Variants in PTPRG observed in about 807,000 individuals in gnomAD.
PTPRG encodes protein tyrosine phosphatase receptor type G, also known as receptor-type tyrosine-protein phosphatase gamma.
In PTPRG, 102 loss-of-function variants were observed where a neutral mutation model predicts 165.3. That is an observed-to-expected ratio of 0.62 (90% CI 0.53 to 0.73). The LOEUF (loss-of-function observed/expected upper bound fraction) is 0.73, where lower values mean the gene tolerates loss of function less well. PTPRG is among the 30% of genes least tolerant of loss of function. The probability of loss-of-function intolerance (pLI) is 0.00; values close to 1 mark genes in which losing one functional copy is unlikely to be tolerated. For synonymous variants in PTPRG, 675 were observed against 669.5 expected, an observed-to-expected ratio of 1.01 and a Z score of -0.13; for missense variants, 1,866 against 1,861.4, an observed-to-expected ratio of 1.00 and a Z score of -0.05.
At chr3:61,999,177 C>T (rs1170228397) in intron 3 of PTPRG, among the ~76,000 whole-genome samples, 1 of 152,140 alleles carries the variant, frequency 6.6e-6, no homozygotes, top group Non-Finnish European at 1.5e-5. Flanking sequence ...TGCCAAGTAG[C>T]TGGGATTACA....
intron 28 of PTPRG, among the ~76,000 whole-genome samples, chr3:62,285,625 GGA>G (rs1702620295): frequency 6.6e-6 from 1 of 151,914 alleles, no homozygotes; most frequent in African/African-American, 2.4e-5. Flanking sequence ...TTCTATTTGA[GGA>G]CAGGCACAGC....
chr3:61,776,893 T>C (rs761273717), intron 2 of PTPRG, among the ~76,000 whole-genome samples: 7 of 152,164 alleles, frequency 4.6e-5, no homozygotes, highest in Non-Finnish European at 8.8e-5. Context: ...AATTAATTAT[T>C]GCACGCCTGT....
intron 3 of PTPRG, among the ~76,000 whole-genome samples, chr3:61,993,215 GTTTA>G (rs1376285757): frequency 6.6e-6 from 1 of 150,878 alleles, no homozygotes; most frequent in Non-Finnish European, 1.5e-5. Context: ...TGTTTGTTTG[GTTTA>G]TTTATTTATT....
At chr3:61,935,849 T>C (rs1400172311) in intron 2 of PTPRG, among the ~76,000 whole-genome samples, 1 of 150,734 alleles carries the variant, frequency 6.6e-6, no homozygotes, top group African/African-American at 2.4e-5. Flanking sequence ...GAGCACTTCA[T>C]ATAGAATATT....
intron 1 of PTPRG, among the ~76,000 whole-genome samples, chr3:61,586,391 C>G (rs73838831): frequency 2.0e-5 from 3 of 152,096 alleles, no homozygotes; most frequent in African/African-American, 7.2e-5. Flanking sequence ...ATTGGACTCT[C>G]GTGTATGAAG....
chr3:61,642,208 C>T (rs940829326), intron 1 of PTPRG, among the ~76,000 whole-genome samples: 3 of 152,172 alleles, frequency 2.0e-5, no homozygotes, highest in African/African-American at 7.2e-5. Context: ...GGGCCCTGAC[C>T]CCGGGCTGTG....
At chr3:62,207,638 G>T (rs758042266) in intron 12 of PTPRG, among the ~76,000 whole-genome samples, 2 of 152,198 alleles carry the variant, frequency 1.3e-5, no homozygotes, top group Non-Finnish European at 2.9e-5. Context: ...GTGATAATGT[G>T]TAAAGTTACA....
intron 15 of PTPRG, among the ~76,000 whole-genome samples, chr3:62,253,748 T>C (rs945995225): frequency 6.6e-6 from 1 of 152,222 alleles, no homozygotes; most frequent in African/African-American, 2.4e-5. Flanking sequence ...TGCATATTCA[T>C]GAACATCTTC....
chr3:61,663,448 T>C (rs550302648), intron 1 of PTPRG, among the ~76,000 whole-genome samples: 9 of 152,284 alleles, frequency 5.9e-5, no homozygotes, highest in Middle Eastern at 3.4e-3. Flanking sequence ...AACCCCTAAC[T>C]TGCAATGTTA....
At chr3:61,820,644 G>A (rs1388288281) in intron 2 of PTPRG, among the ~76,000 whole-genome samples, 1 of 124,810 alleles carries the variant, frequency 8.0e-6, no homozygotes, top group African/African-American at 3.5e-5. Context: ...TGGCTTTAGG[G>A]ATAAAACAGT....
chr3:61,738,324 A>ATATGTATATATATATGTG (rs1353314354), intron 1 of PTPRG, among the ~76,000 whole-genome samples: 7 of 93,650 alleles, frequency 7.5e-5, no homozygotes, highest in Admixed American at 1.2e-4. Flanking sequence ...ATATATATAT[A>ATATGTATATATATATGTG]TATATATATA....
At chr3:61,809,628 C>G (rs1466744798) in intron 2 of PTPRG, among the ~76,000 whole-genome samples, 2 of 152,088 alleles carry the variant, frequency 1.3e-5, no homozygotes, top group Non-Finnish European at 2.9e-5. Context: ...ACAGTGAATA[C>G]TATATGTCAT....
rs778319269 is a variant in PTPRG, at chr3:62,229,929, A to T, written c.2289-1296A>T. Reference sequence around the variant, plus strand: ...AGAGTAGGGCTAAGGGTTGAGAAAAAGTCTAAATATTTTAGGAAGCTGCAA... The same window carrying T: ...AGAGTAGGGCTAAGGGTTGAGAAAATGTCTAAATATTTTAGGAAGCTGCAA... On this transcript the variant is annotated intron_variant, in intron 13 of 29. Transcript: ENST00000474889. This position sits in a 1 kb window ranked among gnomAD's most constrained non-coding sequence, Gnocchi z 4.6. Among the ~76,000 whole-genome samples the T allele has an allele frequency of 2.6e-5, 4 of 152,248 alleles. No homozygotes were observed. Among genetic ancestry groups the T allele is most frequent in the Non-Finnish European group, 5.9e-5 (4 of 68,040 alleles).
At chr3:62,276,066 T>C in intron 24 of PTPRG, 100 bp downstream of exon 24, 1 of 851,862 alleles carries the variant, frequency 1.2e-6, no homozygotes. Flanking sequence ...CACCCTTCAA[T>C]TGTACTGTAC....
intron 1 of PTPRG, among the ~76,000 whole-genome samples, chr3:61,673,676 C>G (rs1039046272): frequency 1.3e-5 from 2 of 152,114 alleles, no homozygotes; most frequent in African/African-American, 4.8e-5. Flanking sequence ...CAACTTGGGA[C>G]TTTTAGGGTA....
intron 2 of PTPRG, among the ~76,000 whole-genome samples, chr3:61,905,008 AGGCTTTTTTTCCCCCAGTCCCTAG>A (rs2038606110): frequency 6.6e-6 from 1 of 152,012 alleles, no homozygotes; most frequent in African/African-American, 2.4e-5. Context: ...GATGAAGGAA[AGGCTTTTTTTCCCCCAGTCCCTAG>A]AAGACCTCAA....
rs146071645 is a variant in PTPRG, at chr3:61,745,011, A to G, written c.86-3867A>G. On this transcript the variant is annotated intron_variant, in intron 1 of 29. Transcript: ENST00000474889. ...CACTACCCTCTAGAACACAGAAACCATCAGCTTTTTGATCTTTCATGTGTT... is the reference window on the plus strand; with the variant it reads ...CACTACCCTCTAGAACACAGAAACCGTCAGCTTTTTGATCTTTCATGTGTT... Among the ~76,000 whole-genome samples, 29 of 147,626 alleles carry G rather than the reference A, an allele frequency of 2.0e-4. No homozygotes were observed. In the East Asian group the frequency reaches 4.5e-3, roughly 23 times the overall value.
intron 2 of PTPRG, among the ~76,000 whole-genome samples, chr3:61,755,398 C>A (rs2033602486): frequency 6.6e-6 from 1 of 152,230 alleles, no homozygotes; most frequent in Non-Finnish European, 1.5e-5. Context: ...CAAAGGCTCC[C>A]TGTGCCTTGG....
intron 16 of PTPRG, among the ~76,000 whole-genome samples, chr3:62,259,904 G>T (rs1018341515): frequency 9.2e-5 from 14 of 152,140 alleles, no homozygotes; most frequent in African/African-American, 3.4e-4. Context: ...TCTGGGATTG[G>T]GAAGGGTGGG....
Sources: gnomAD v4.1 joint callset for allele counts (sites outside exome capture counted in the v4.1 genomes callset) on GRCh38, gnomAD v4.1.1 for gene constraint, Gnocchi (gnomAD v3.1) non-coding constraint, MANE v1.5 for transcripts, NCBI Gene and HGNC (gene_info 2026-07-23, HGNC 2026-07-21) for gene names.